Variants in FLT1 observed in about 807,000 individuals in gnomAD.
FLT1 encodes fms related receptor tyrosine kinase 1.
A neutral mutation model predicts 156.3 loss-of-function variants in FLT1; 49 were observed. The observed-to-expected ratio is 0.31, with a 90% CI of 0.25 to 0.40. The LOEUF is 0.40. Among genes scored for constraint, FLT1 ranks in the 10% least tolerant of loss-of-function variants. FLT1 has a pLI of 1.00. For synonymous variants in FLT1, 594 were observed against 583.8 expected (o/e 1.02, Z -0.25); for missense variants, 1,322 against 1,637.2 (o/e 0.81, Z 3.32).
intron 13 of FLT1, chr13:28,389,459 G>A (rs975822984): frequency 9.9e-6 from 13 of 1,317,410 alleles, no homozygotes; most frequent in East Asian, 8.3e-5. Flanking sequence ...AACAGCAAGA[G>A]CAACAAACAC....
intron 3 of FLT1, among the ~76,000 whole-genome samples, chr13:28,458,142 C>T (rs545095450): frequency 1.3e-4 from 19 of 151,878 alleles, no homozygotes; most frequent in African/African-American, 3.4e-4. Flanking sequence ...TCACCATGTC[C>T]GTCAGGCTGG....
intron 3 of FLT1, among the ~76,000 whole-genome samples, chr13:28,448,632 G>A (rs1340652736): frequency 6.6e-6 from 1 of 152,186 alleles, no homozygotes; most frequent in Non-Finnish European, 1.5e-5. Context: ...AAAGGCTATG[G>A]AGTTTATTTT....
At chr13:28,393,114 GTCA>G (rs959047868) in intron 12 of FLT1, among the ~76,000 whole-genome samples, 13 of 152,074 alleles carry the variant, frequency 8.5e-5, no homozygotes, top group African/African-American at 3.1e-4. Flanking sequence ...ATTCAGCACA[GTCA>G]TCATCATTAC....
chr13:28,326,085 C>T (rs1414983951), intron 20 of FLT1, among the ~76,000 whole-genome samples: 3 of 151,960 alleles, frequency 2.0e-5, no homozygotes, highest in Admixed American at 2.0e-4. Flanking sequence ...TTGGACTCAC[C>T]CAATTTTTCT....
intron 15 of FLT1, among the ~76,000 whole-genome samples, chr13:28,354,570 C>T (rs762222646): frequency 3.3e-5 from 5 of 152,254 alleles, no homozygotes; most frequent in Middle Eastern, 3.4e-3. Flanking sequence ...CAGGATATAG[C>T]GCTACTTATT....
chr13:28,467,606 C>T lies in FLT1; in HGVS notation c.76G>A (p.Gly26Ser), dbSNP rs1566046055. Residue 26 changes from glycine to serine, a missense_variant, in exon 2 of 30, where the codon GGT becomes AGT. Around this residue, in one of 3 missense-constraint regions of FLT1, gnomAD observed 991 missense variants for 1,254.8 expected, o/e 0.79. Coordinates refer to ENST00000282397, the MANE Select transcript of FLT1 (RefSeq NM_002019.4). ...SCLLLTGSSSGSKLKDPELSL... is the reference protein window; with the variant it reads ...SCLLLTGSSSSSKLKDPELSL... ...AGTTCAGGATCTTTTAATTTTGAAC[C>T]TGAACTAGATCCTGAAAAACAAATT... 1.3e-6 allele frequency: 2 copies of T among 1,595,652 alleles called. No homozygotes were observed. The highest frequency in any genetic ancestry group is 1.7e-6 in the Non-Finnish European group (2 of 1,166,756).
At chr13:28,448,613 G>A (rs1266085547) in intron 3 of FLT1, among the ~76,000 whole-genome samples, 1 of 152,152 alleles carries the variant, frequency 6.6e-6, no homozygotes, top group African/African-American at 2.4e-5. Flanking sequence ...GGGATAAGGG[G>A]TGATAGCTAA....
intron 18 of FLT1, among the ~76,000 whole-genome samples, chr13:28,329,968 C>A (rs867414269): frequency 5.3e-5 from 8 of 152,256 alleles, no homozygotes; most frequent in African/African-American, 1.9e-4. Flanking sequence ...GACATTTCCT[C>A]TTGGTGGACC....
chr13:28,379,259 G>C (rs1025533721), intron 14 of FLT1, among the ~76,000 whole-genome samples: 6 of 152,120 alleles, frequency 3.9e-5, no homozygotes, highest in African/African-American at 1.4e-4. Flanking sequence ...ACCAGAACCT[G>C]GGAGGCGGAG....
intron 15 of FLT1, among the ~76,000 whole-genome samples, chr13:28,346,555 T>A (rs1369730211): frequency 1.4e-5 from 2 of 139,148 alleles, no homozygotes; most frequent in Non-Finnish European, 1.6e-5. Flanking sequence ...TGCCTTCTCT[T>A]AAAAAAAAAA....
chr13:28,461,689 G>A (rs776512089), intron 3 of FLT1, among the ~76,000 whole-genome samples: 1 of 150,952 alleles, frequency 6.6e-6, no homozygotes, highest in Non-Finnish European at 1.5e-5. Flanking sequence ...CTTGCTCAAG[G>A]TTTCATAGCC....
chr13:28,387,934 C>A, intron 13 of FLT1: 1 of 1,061,648 alleles, frequency 9.4e-7, no homozygotes, highest in Non-Finnish European at 1.1e-6. Flanking sequence ...AACATCCTCC[C>A]CTCCCCACAA....
intron 15 of FLT1, among the ~76,000 whole-genome samples, chr13:28,351,710 C>T (rs549960514): frequency 3.9e-4 from 60 of 152,140 alleles, no homozygotes; most frequent in Non-Finnish European, 7.5e-4. Context: ...ATTGCTGTTA[C>T]GTGACGTTAG....
chr13:28,442,701 TACACACACACAC>T (rs111263665), intron 3 of FLT1, among the ~76,000 whole-genome samples: 10 of 146,910 alleles, frequency 6.8e-5, no homozygotes, highest in South Asian at 2.2e-4. Flanking sequence ...TGACTGTAGA[TACACACACACAC>T]ACACACACAC....
intron 29 of FLT1, among the ~76,000 whole-genome samples, chr13:28,306,360 G>A (rs866741552): frequency 3.3e-5 from 5 of 152,150 alleles, no homozygotes; most frequent in Admixed American, 6.5e-5. Flanking sequence ...TCCCACCGCC[G>A]GGAGCGTGTC....
chr13:28,345,032 G>C (rs997098749), intron 16 of FLT1, among the ~76,000 whole-genome samples: 7 of 151,774 alleles, frequency 4.6e-5, no homozygotes, highest in African/African-American at 1.5e-4. Flanking sequence ...TGAACTCTTG[G>C]CCTCAAGCGA....
At chr13:28,365,375 C>T (rs1371021206) in intron 14 of FLT1, among the ~76,000 whole-genome samples, 11 of 149,478 alleles carry the variant, frequency 7.4e-5, no homozygotes, top group Non-Finnish European at 1.3e-4. Context: ...TTTTTTGAGG[C>T]GGAGTCTTGC....
intron 14 of FLT1, among the ~76,000 whole-genome samples, chr13:28,383,294 A>T (rs896594328): frequency 1.3e-5 from 2 of 152,148 alleles, no homozygotes; most frequent in Admixed American, 1.3e-4. Context: ...AGTTCCAAAA[A>T]CCAAAGAACT....
In FLT1 at chr13:28,494,994, G is replaced by T; in HGVS notation, c.-151C>A. ...CAGCCAGGAGACAACCACTTCCCCG[G>T]GTAATCCTCGCCGCCAGGCGCCCGC... On this transcript the variant is annotated 5_prime_UTR_variant, in exon 1 of 30. Coordinates refer to ENST00000282397, the MANE Select transcript of FLT1 (RefSeq NM_002019.4). 1.8e-6 allele frequency: 1 copy of T among 549,258 alleles called. No homozygotes were observed. Among genetic ancestry groups the T allele is most frequent in the South Asian group, 3.0e-5 (1 of 32,794 alleles). 34.0% of individuals were successfully genotyped at this position (549,258 alleles called of 1,614,324 possible). A position where few individuals can be genotyped will look rare whatever the true frequency, so the allele number is the denominator to read the frequency against.
Sources: gnomAD v4.1 joint callset for allele counts (sites outside exome capture counted in the v4.1 genomes callset) on GRCh38, gnomAD v4.1.1 for gene constraint, gnomAD v4.1.1 regional missense constraint, MANE v1.5 for transcripts, NCBI Gene and HGNC (gene_info 2026-07-23, HGNC 2026-07-21) for gene names.